ULK1: variants seen among roughly 807,000 people sequenced by gnomAD.
The protein encoded by ULK1 is unc-51 like autophagy activating kinase 1.
ULK1 carries 48 observed loss-of-function variants against 117.5 expected under a neutral mutation model. The ratio of observed to expected loss-of-function variants is 0.41; its 90% CI spans 0.32 to 0.52. The LOEUF is 0.52. Ranked by LOEUF, ULK1 falls within the 20% of genes least tolerant of loss-of-function variation. ULK1 has a pLI of 0.29. For missense variants in ULK1, 1,387 were observed against 1,473.4 expected (o/e 0.94, Z 0.96); for synonymous variants, 790 against 637.8 (o/e 1.24, Z -3.60).
At position 131,921,485 on chromosome 12, in the gene ULK1, C is replaced by G; in HGVS notation, c.*124C>G. The G allele has an allele frequency of 6.9e-7, 1 of 1,442,938 alleles. No individual in the cohort carries two copies. The highest frequency in any genetic ancestry group is 9.5e-7 in the Non-Finnish European group (1 of 1,050,442). The allele number at this position is 1,442,938 out of a possible 1,614,324, so 89.4% of individuals were successfully genotyped here. ...CTGGTGCTGAGCCCTGCCCTGGGCCCCACGGACAGTCAGCCTGCCGGCCTC... is the reference window on the plus strand; with the variant it reads ...CTGGTGCTGAGCCCTGCCCTGGGCCGCACGGACAGTCAGCCTGCCGGCCTC... On this transcript the variant is annotated 3_prime_UTR_variant, in exon 28 of 28. Coordinates refer to ENST00000321867, the MANE Select transcript of ULK1 (RefSeq NM_003565.4).
In ULK1 at chr12:131,917,536, C is replaced by T. The variant is rs1390615388; in HGVS notation, c.2308C>T (p.Arg770Cys). Residue 770 changes from arginine (R) to cysteine (C), a missense_variant, in exon 22 of 28, where the codon CGC (arginine) becomes TGC (cysteine). Physicochemically the swap from Arg to Cys is radical, Grantham distance 180. This residue lies in a region of ULK1 where 900 missense variants were observed against 858.9 expected (regional missense o/e 1.05). Coordinates refer to ENST00000321867, the MANE Select transcript of ULK1 (RefSeq NM_003565.4). The part of the protein sequence containing the change: ...PSGSTPPQGP[R>C]TRMFSAGPTG... ...CGGGAGCACGCCCCCCCAGGGCCCCCGCACCAGGATGTTCTCAGGTGAGGG... is the reference window on the plus strand; with the variant it reads ...CGGGAGCACGCCCCCCCAGGGCCCCTGCACCAGGATGTTCTCAGGTGAGGG... The T allele has an allele frequency of 3.5e-6, 5 of 1,440,744 alleles. No homozygotes were observed. The highest frequency in any genetic ancestry group is 1.5e-5 in the South Asian group (1 of 65,462). 89.2% of individuals were successfully genotyped at this position (1,440,744 alleles called of 1,614,324 possible). A position where few individuals can be genotyped will look rare whatever the true frequency, so the allele number is the denominator to read the frequency against.
intron 3 of ULK1, among the ~76,000 whole-genome samples, chr12:131,905,072 T>A (rs1889222340): frequency 6.6e-6 from 1 of 152,170 alleles, no homozygotes; most frequent in Non-Finnish European, 1.5e-5. Flanking sequence ...GAGGCCTGCC[T>A]CATGGATAGG....
At chr12:131,915,486 G>T in intron 18 of ULK1, 65 bp downstream of exon 18, 1 of 1,557,786 alleles carries the variant, frequency 6.4e-7, no homozygotes, top group Non-Finnish European at 8.7e-7. Context: ...TTGTCATCCT[G>T]GTCTAAAGCC....
chr12:131,917,138 ATGGG>A lies in ULK1; in HGVS notation c.2182+77_2182+80del, dbSNP rs1889851255. 21 of 763,510 alleles carry A rather than the reference ATGGG, an allele frequency of 2.8e-5. 6 individuals carry two copies. Among genetic ancestry groups the A allele is most frequent in the Non-Finnish European group, 1.4e-5 (9 of 622,050 alleles). 47.3% of individuals were successfully genotyped at this position (763,510 alleles called of 1,614,324 possible). The stretch of plus-strand genomic sequence containing the variant: ...TGGGATGGGGGTCGGAGGCTGTGGG[ATGGG>A]GGTCGGAGGCTGTGGGATGGGGCTC... On this transcript the variant is annotated intron_variant, in intron 21 of 27. Coordinates refer to ENST00000321867, the MANE Select transcript of ULK1 (RefSeq NM_003565.4).
rs1043619422 is a variant in ULK1, at chr12:131,903,540, C to T, written c.247-3352C>T. Among the ~76,000 whole-genome samples the T allele has an allele frequency of 5.3e-5, 8 of 152,136 alleles. No individual in the cohort carries two copies. Among genetic ancestry groups the T allele is most frequent in the Admixed American group, 1.3e-4 (2 of 15,280 alleles). On this transcript the variant is annotated intron_variant, in intron 3 of 27. Transcript: ENST00000321867. The surrounding 1 kb of genome is among the most constrained non-coding windows in gnomAD (Gnocchi z 6.0). ...GCACGGGAAAGGCCCTGGTGTGCCC[C>T]GATGCCCAGCTCAGGGAGTTGGATG...
At chr12:131,906,969 G>T (rs1457541011) in intron 4 of ULK1, 45 bp downstream of exon 4, 30 of 1,613,652 alleles carry the variant, frequency 1.9e-5, no homozygotes, top group Non-Finnish European at 2.5e-5. Flanking sequence ...TGATGGCCAT[G>T]GCCCTGGGAG....
At chr12:131,907,056 G>A (rs1412901042) in intron 4 of ULK1, 132 bp downstream of exon 4, 13 of 1,263,924 alleles carry the variant, frequency 1.0e-5, no homozygotes, top group East Asian at 7.0e-5. Context: ...TCTCACTGTC[G>A]CCCAGGCTGG....
At chr12:131,906,723 C>T in intron 3 of ULK1, 169 bp from the exon 4 acceptor site, 2 of 766,950 alleles carry the variant, frequency 2.6e-6, no homozygotes, top group Admixed American at 2.1e-5. Flanking sequence ...AGAACACACC[C>T]ACCTACAAAG....
chr12:131,918,245 T>C, intron 22 of ULK1: 1 of 556,416 alleles, frequency 1.8e-6, no homozygotes, highest in Non-Finnish European at 3.2e-6. Flanking sequence ...ACCCAGAGGG[T>C]CCCTTGGTGG....
rs144046347 is a variant in ULK1, at chr12:131,915,976, C to T, written c.1695C>T (p.Val565=). The change falls in exon 19 of 28, where the codon GTC becomes GTT. Residue 565 remains valine, a synonymous_variant. Coordinates refer to ENST00000321867, the MANE Select transcript of ULK1 (RefSeq NM_003565.4). ...CCCCCAACCTGTCTGACTTGCACGT[C>T]GTCCGCCCCAAGCTGCCCAAACCCC... is the stretch of plus-strand genomic sequence containing the variant. ...HSAPNLSDLH[V]VRPKLPKPPT... is the part of the protein sequence containing the mutation. 4.2e-4 allele frequency: 680 copies of T among 1,612,396 alleles called. 2 individuals are homozygous for T. Among genetic ancestry groups the T allele is most frequent in the Non-Finnish European group, 5.4e-4 (643 of 1,179,828 alleles).
intron 3 of ULK1, among the ~76,000 whole-genome samples, chr12:131,898,487 A>G (rs1198038220): frequency 2.0e-5 from 3 of 150,800 alleles, no homozygotes; most frequent in African/African-American, 7.3e-5. Context: ...AGAAAATGAC[A>G]TCTCTTATGG....
chr12:131,916,017 G>A lies in ULK1; in HGVS notation c.1736G>A (p.Gly579Glu), dbSNP rs763303366. The A allele has an allele frequency of 6.2e-7, 1 of 1,612,060 alleles. No individual in the cohort carries two copies. Among genetic ancestry groups the A allele is most frequent in the Non-Finnish European group, 8.5e-7 (1 of 1,179,680 alleles). ...KLPKPPTDPL[G>E]AVFSPPQASP... ...CCCAAACCCCCCACGGACCCCCTGG[G>A]AGCTGTGTTCAGCCCACCACAGGCC... The change falls in exon 19 of 28, where the codon GGA becomes GAA. Residue 579 changes from glycine (G) to glutamate (E), a missense_variant. Around this residue, in one of 4 missense-constraint regions of ULK1, gnomAD observed 900 missense variants for 858.9 expected, o/e 1.05. Coordinates refer to ENST00000321867, the MANE Select transcript of ULK1 (RefSeq NM_003565.4).
In ULK1 at chr12:131,920,106, G is replaced by T; in HGVS notation, c.2931G>T (p.Glu977Asp). The T allele has an allele frequency of 6.2e-7, 1 of 1,612,830 alleles. No individual in the cohort carries two copies. The highest frequency in any genetic ancestry group is 8.5e-7 in the Non-Finnish European group (1 of 1,179,922). ...LLDRIHSITA[E>D]RLIFSHAVQM... Reference sequence around the variant, plus strand: ...ACCGCATTCACAGCATCACTGCCGAGAGGCTCATCTTCAGCCACGCTGTGC... The same window carrying T: ...ACCGCATTCACAGCATCACTGCCGATAGGCTCATCTTCAGCCACGCTGTGC... Residue 977 changes from glutamate (E) to aspartate (D), a missense_variant, in exon 26 of 28, where the codon GAG becomes GAT. Coordinates refer to ENST00000321867, the MANE Select transcript of ULK1 (RefSeq NM_003565.4).
At chr12:131,920,165 A>AG in intron 26 of ULK1, 29 bp downstream of exon 26, 1 of 1,601,748 alleles carries the variant, frequency 6.2e-7, no homozygotes, top group Non-Finnish European at 8.5e-7. Flanking sequence ...CCAGTGGGGC[A>AG]GGGGCCAGGA....
At chr12:131,919,946 G>T in intron 25 of ULK1, 33 bp from the exon 26 acceptor site, 1 of 1,602,260 alleles carries the variant, frequency 6.2e-7, no homozygotes, top group Non-Finnish European at 8.5e-7. Context: ...CGTGTCTGCT[G>T]CACCCTGAGC....
At chr12:131,917,306 G>GTGCGGCTCGGAGGCTGT in intron 21 of ULK1, 105 bp from the exon 22 acceptor site, 1 of 158,014 alleles carries the variant, frequency 6.3e-6, no homozygotes, top group Non-Finnish European at 1.1e-5. Flanking sequence ...CGGGGGTTGG[G>GTGCGGCTCGGAGGCTGT]GGGAGCTCGG....
At chr12:131,915,258 A>AG (rs1197331688) in intron 17 of ULK1, 27 bp downstream of exon 17, 1 of 1,606,170 alleles carries the variant, frequency 6.2e-7, no homozygotes, top group South Asian at 1.1e-5. Context: ...GGGCCTGGGA[A>AG]GGGGCGTCTG....
intron 23 of ULK1, 65 bp downstream of exon 23, chr12:131,918,746 C>CAGGTGTGTGGGGTATA (rs1889980606): frequency 3.3e-5 from 15 of 460,776 alleles, no homozygotes; most frequent in South Asian, 2.7e-4. Flanking sequence ...TGTGGGGTGT[C>CAGGTGTGTGGGGTATA]GGGTGTGTGG....
intron 13 of ULK1, 102 bp downstream of exon 13, chr12:131,912,191 G>A (rs1265227426): frequency 8.8e-6 from 13 of 1,474,560 alleles, no homozygotes; most frequent in African/African-American, 1.4e-5. Context: ...CCACTTATGG[G>A]CAGTTAGGAT....
Sources: gnomAD v4.1 joint callset for allele counts (sites outside exome capture counted in the v4.1 genomes callset) on GRCh38, gnomAD v4.1.1 for gene constraint, gnomAD v4.1.1 regional missense constraint, Gnocchi (gnomAD v3.1) non-coding constraint, MANE v1.5 for transcripts, NCBI Gene and HGNC (gene_info 2026-07-23, HGNC 2026-07-21) for gene names.